Variants in CERT1 observed in about 807,000 individuals in gnomAD.
The protein encoded by CERT1 is ceramide transfer protein.
In CERT1, 31 loss-of-function variants were observed where a neutral mutation model predicts 87.9. The observed-to-expected ratio is 0.35, with a 90% CI of 0.27 to 0.48. The LOEUF (loss-of-function observed/expected upper bound fraction) is 0.48. CERT1 is among the 20% of genes least tolerant of loss of function. The pLI, the probability that CERT1 is intolerant of heterozygous loss-of-function variation, is 0.99. For synonymous variants in CERT1, 289 were observed against 250.9 expected (o/e 1.15, Z -1.44); for missense variants, 487 against 758.0 (o/e 0.64, Z 4.20).
rs571790620 is a variant in CERT1 at position 75,505,809 on chromosome 5, G to A, written c.231+173C>T. 19 of 455,138 alleles carry A rather than the reference G, an allele frequency of 4.2e-5. No homozygotes were observed. In the South Asian group the frequency reaches 8.5e-4, roughly 20 times the overall value. 28.2% of individuals were successfully genotyped at this position (455,138 alleles called of 1,614,324 possible). On this transcript the variant is annotated intron_variant, in intron 2 of 16. Coordinates refer to ENST00000643780, the MANE Select transcript of CERT1 (RefSeq NM_001379029.1). ...ACATGTCTATGCAAAATAACAATATGTAGTAAAAACCACAGTAAAATCACT... is the reference window on the plus strand; with the variant it reads ...ACATGTCTATGCAAAATAACAATATATAGTAAAAACCACAGTAAAATCACT...
chr5:75,482,339 A>T (rs1001129711), intron 2 of CERT1, among the ~76,000 whole-genome samples: 8 of 152,320 alleles, frequency 5.3e-5, no homozygotes, highest in African/African-American at 1.9e-4. Context: ...GAAAGGTAAG[A>T]GAAGAGTGGA....
At chr5:75,373,374 A>G (rs1164173281), downstream of CERT1, 1 of 152,250 alleles carries the variant, frequency 6.6e-6, no homozygotes, top group African/African-American at 2.4e-5. Context: ...CAAGATTTGT[A>G]CAGATGTTTC....
chr5:75,463,106 T>C (rs1765308568), intron 2 of CERT1, among the ~76,000 whole-genome samples: 1 of 151,828 alleles, frequency 6.6e-6, no homozygotes, highest in Non-Finnish European at 1.5e-5. Context: ...ATACTTTAGC[T>C]GGTGTTTTCA....
intron 8 of CERT1, among the ~76,000 whole-genome samples, chr5:75,410,137 T>G (rs1480188255): frequency 6.6e-6 from 1 of 152,148 alleles, no homozygotes; most frequent in Non-Finnish European, 1.5e-5. Context: ...CCAAATATAT[T>G]TCTTACACAT....
At chr5:75,402,919 T>C (rs1220529141) in intron 9 of CERT1, 53 bp downstream of exon 9, 1 of 1,022,206 alleles carries the variant, frequency 9.8e-7, no homozygotes, top group African/African-American at 1.6e-5. Flanking sequence ...CACCAAGGAA[T>C]GCCTATAGTG....
chr5:75,459,240 AC>A, intron 2 of CERT1, 59 bp from the exon 3 acceptor site: 1 of 989,884 alleles, frequency 1.0e-6, no homozygotes. Context: ...GAAGTGTTAC[AC>A]CCCAAAGCCA....
At chr5:75,499,993 G>A (rs1231169126) in intron 2 of CERT1, among the ~76,000 whole-genome samples, 9 of 152,150 alleles carry the variant, frequency 5.9e-5, no homozygotes, top group Non-Finnish European at 1.3e-4. Flanking sequence ...GGAGTAGGTT[G>A]GACCCCTAAT....
intron 12 of CERT1, among the ~76,000 whole-genome samples, chr5:75,386,980 G>A (rs1200053185): frequency 1.3e-5 from 2 of 152,160 alleles, no homozygotes; most frequent in Non-Finnish European, 2.9e-5. Context: ...CGATTCTCCT[G>A]TCTCGGCTTC....
intron 3 of CERT1, among the ~76,000 whole-genome samples, chr5:75,443,166 G>A (rs1764394163): frequency 1.3e-5 from 2 of 152,156 alleles, no homozygotes; most frequent in South Asian, 4.1e-4. Flanking sequence ...AAATAATCAA[G>A]TTTTAGTTCC....
upstream of CERT1, chr5:75,511,936 C>T: frequency 9.8e-7 from 1 of 1,023,404 alleles, no homozygotes; most frequent in South Asian, 1.6e-5. Context: ...GCGCGGGGAT[C>T]GCTTGTCCCC....
chr5:75,412,102 T>C (rs1762955738), intron 7 of CERT1, among the ~76,000 whole-genome samples: 1 of 152,230 alleles, frequency 6.6e-6, no homozygotes, highest in African/African-American at 2.4e-5. Flanking sequence ...AAACTGATAC[T>C]GGAGTCCAGT....
In CERT1 at chr5:75,400,242, G is replaced by A. The variant is rs368093187; in HGVS notation, c.1073C>T (p.Ala358Val). Reference sequence around the variant, plus strand: ...TCTATGTGTCCCCACAGAAGAAAAGGCATCTCCAGAGGGCAAGGATGTAGG... The same window carrying A: ...TCTATGTGTCCCCACAGAAGAAAAGACATCTCCAGAGGGCAAGGATGTAGG... ...HWPTSLPSGDAFSSVGTHRFV... is the reference protein window; with the variant it reads ...HWPTSLPSGDVFSSVGTHRFV... Residue 358 changes from alanine (A) to valine (V), a missense_variant, in exon 10 of 17, where the codon GCC (alanine) becomes GTC (valine). Ala to Val is a moderately conservative substitution (Grantham distance 64). This residue lies in a region of CERT1 where 91 missense variants were observed against 86.7 expected (regional missense o/e 1.05). Transcript: ENST00000643780. 4.3e-6 allele frequency: 7 copies of A among 1,613,572 alleles called. No individual in the cohort carries two copies. The highest frequency in any genetic ancestry group is 3.4e-6 in the Non-Finnish European group (4 of 1,179,564).
chr5:75,420,198 C>A (rs184806775), intron 5 of CERT1, among the ~76,000 whole-genome samples: 2 of 151,718 alleles, frequency 1.3e-5, no homozygotes, highest in South Asian at 2.1e-4. Context: ...AGGCTGGTTT[C>A]GAAACTCCTG....
chr5:75,490,982 C>T (rs1167851995), intron 2 of CERT1, among the ~76,000 whole-genome samples: 1 of 151,952 alleles, frequency 6.6e-6, no homozygotes, highest in Non-Finnish European at 1.5e-5. Context: ...TCTTCAAACC[C>T]AAGTGTTGTA....
rs527685344 is a variant in CERT1, at chr5:75,477,544, G to T, written c.232-18363C>A. On this transcript the variant is annotated intron_variant, in intron 2 of 16. Coordinates refer to ENST00000643780, the MANE Select transcript of CERT1 (RefSeq NM_001379029.1). The stretch of plus-strand genomic sequence containing the variant: ...GATTTCTAAAAATTTCTGGGGTTTT[G>T]TAACTGCCTTATTGCTTACCCTCAT... Among the ~76,000 whole-genome samples, 3 of 148,054 alleles carry T rather than the reference G, an allele frequency of 2.0e-5. No homozygotes were observed. The South Asian group carries it at 6.6e-4, about 33-fold the overall frequency.
chr5:75,494,799 T>C (rs1385884343), intron 2 of CERT1, among the ~76,000 whole-genome samples: 1 of 152,242 alleles, frequency 6.6e-6, no homozygotes, highest in African/African-American at 2.4e-5. Flanking sequence ...TTCTGTAGTT[T>C]CCTCTCTTGT....
intron 3 of CERT1, among the ~76,000 whole-genome samples, chr5:75,441,767 T>G (rs1288990614): frequency 6.6e-6 from 1 of 152,230 alleles, no homozygotes; most frequent in Admixed American, 6.5e-5. Flanking sequence ...TTGAGTGATA[T>G]TCCATTGAAT....
At chr5:75,416,745 G>GAGT in intron 7 of CERT1, 131 bp downstream of exon 7, 1 of 686,834 alleles carries the variant, frequency 1.5e-6, no homozygotes, top group South Asian at 2.5e-5. Context: ...TAAAGCTTCA[G>GAGT]AGTAGTAGTA....
At chr5:75,460,927 A>C (rs531838773) in intron 2 of CERT1, among the ~76,000 whole-genome samples, 4 of 152,354 alleles carry the variant, frequency 2.6e-5, no homozygotes, top group East Asian at 1.9e-4. Flanking sequence ...TGAGAAGTAG[A>C]GTGTGCTAGA....
Sources: allele counts gnomAD v4.1 joint callset (sites outside exome capture counted in the v4.1 genomes callset), GRCh38; gene constraint gnomAD v4.1.1; regional missense constraint gnomAD v4.1.1; transcripts MANE v1.5; gene names NCBI Gene and HGNC (gene_info 2026-07-23, HGNC 2026-07-21).